PWWP3A: variants seen among roughly 807,000 people sequenced by gnomAD.
PWWP3A encodes PWWP domain containing 3A, DNA repair factor, also known as PWWP domain-containing DNA repair factor 3A.
In PWWP3A, 53 loss-of-function variants were observed where a neutral mutation model predicts 79.0. The observed-to-expected ratio is 0.67, with a 90% CI of 0.54 to 0.84. The LOEUF (loss-of-function observed/expected upper bound fraction) is 0.84. Among genes scored for constraint, PWWP3A ranks in the 40% least tolerant of loss-of-function variants. The pLI is 0.00. For synonymous variants in PWWP3A, 443 were observed against 394.4 expected (o/e 1.12, Z -1.46); for missense variants, 973 against 948.0 (o/e 1.03, Z -0.35).
intron 6 of PWWP3A, among the ~76,000 whole-genome samples, chr19:1,363,817 T>G (rs1435723707): frequency 6.6e-6 from 1 of 152,142 alleles, no homozygotes; most frequent in African/African-American, 2.4e-5. Flanking sequence ...TCTGGTCACG[T>G]TGGTTACTTC....
intron 13 of PWWP3A, 177 bp downstream of exon 13, chr19:1,373,337 G>A (rs2082301605): frequency 4.9e-6 from 3 of 611,812 alleles, no homozygotes; most frequent in Non-Finnish European, 8.7e-6. Context: ...GGTCACTCCT[G>A]CCCCCCAGGA....
At chr19:1,357,831 T>A (rs11554583) in intron 3 of PWWP3A, 15,997 of 153,604 alleles carry the variant, frequency 0.1, 928 homozygotes, top group South Asian at 0.19. Flanking sequence ...GCAAGGAGAC[T>A]GATCCCGCGT....
chr19:1,367,929 C>T (rs1170169014), intron 9 of PWWP3A, among the ~76,000 whole-genome samples: 3 of 152,036 alleles, frequency 2.0e-5, no homozygotes, highest in African/African-American at 7.3e-5. Context: ...GAGTTACTTT[C>T]TTTTGTTTTT....
chr19:1,357,462 C>T (rs1307803252), intron 3 of PWWP3A: 5 of 128,786 alleles, frequency 3.9e-5, no homozygotes, highest in African/African-American at 1.5e-4. Context: ...AGGGATGTTT[C>T]CTTCCCAGAG....
intron 13 of PWWP3A, among the ~76,000 whole-genome samples, chr19:1,375,772 A>G (rs1420523852): frequency 7.3e-6 from 1 of 136,118 alleles, no homozygotes; most frequent in Non-Finnish European, 1.5e-5. Flanking sequence ...TATCATATGT[A>G]TATGTAGACA....
At chr19:1,359,103 A>T in intron 4 of PWWP3A, 1 of 216,288 alleles carries the variant, frequency 4.6e-6, no homozygotes, top group East Asian at 9.5e-5. Context: ...GCCTGAGTCC[A>T]GCCGGGGACT....
chr19:1,364,281 C>G (rs2082082768), intron 6 of PWWP3A: 1 of 672,838 alleles, frequency 1.5e-6, no homozygotes, highest in African/African-American at 1.8e-5. Context: ...TGCAGCACCC[C>G]ACTCAGCTGC....
intron 3 of PWWP3A, chr19:1,357,517 T>G (rs947457073): frequency 6.5e-6 from 1 of 153,128 alleles, no homozygotes; most frequent in African/African-American, 2.4e-5. Context: ...GGCCCATCAA[T>G]TTTGAAATAT....
At chr19:1,361,623 C>T (rs186538328) in intron 5 of PWWP3A, among the ~76,000 whole-genome samples, 8 of 152,324 alleles carry the variant, frequency 5.3e-5, no homozygotes, top group Admixed American at 2.0e-4. Flanking sequence ...AAACTTACCG[C>T]GCAGATATTT....
intron 13 of PWWP3A, among the ~76,000 whole-genome samples, chr19:1,375,823 T>G (rs1394587823): frequency 7.4e-6 from 1 of 134,268 alleles, no homozygotes; most frequent in African/African-American, 2.8e-5. Context: ...TTTTTTTTTT[T>G]GAGACAGAGT....
chr19:1,376,063 C>T (rs1238368245), intron 13 of PWWP3A, among the ~76,000 whole-genome samples: 1 of 150,772 alleles, frequency 6.6e-6, no homozygotes, highest in African/African-American at 2.4e-5. Flanking sequence ...CCCACCTCGG[C>T]CTCCCAAAGT....
At position 1,364,656 on chromosome 19, in the gene PWWP3A, C is replaced by G. The variant is rs527455953; in HGVS notation, c.1284+77C>G. 21 of 1,146,022 alleles carry G rather than the reference C, an allele frequency of 1.8e-5. 1 individual carries two copies. Among genetic ancestry groups the G allele is most frequent in the African/African-American group, 1.4e-4 (9 of 64,118 alleles). 71.0% of individuals were successfully genotyped at this position (1,146,022 alleles called of 1,614,324 possible). A position where few individuals can be genotyped will look rare whatever the true frequency, so the allele number is the denominator to read the frequency against. The stretch of plus-strand genomic sequence containing the variant: ...ATTTTTATTCCATCCATCTTTAGTT[C>G]TTGATAATTTGATCAGGATAAATGT... On this transcript the variant is annotated intron_variant, in intron 7 of 13. Coordinates refer to ENST00000591337, the MANE Select transcript of PWWP3A (RefSeq NM_001369789.1).
chr19:1,373,182 C>G (rs1475850751), intron 13 of PWWP3A, 22 bp downstream of exon 13: 1 of 1,604,520 alleles, frequency 6.2e-7, no homozygotes, highest in Non-Finnish European at 8.5e-7. Context: ...CCGGCGCTAT[C>G]TCCAGCCACT....
intron 7 of PWWP3A, 95 bp from the exon 8 acceptor site, chr19:1,366,210 C>T (rs1010648424): frequency 1.7e-5 from 21 of 1,216,972 alleles, no homozygotes; most frequent in Admixed American, 1.3e-4. Context: ...CTGGGGTCAG[C>T]GCCTGTTAGA....
chr19:1,358,825 G>A (rs899913414), intron 4 of PWWP3A: 2 of 548,352 alleles, frequency 3.6e-6, no homozygotes, highest in African/African-American at 3.8e-5. Context: ...ATTTGCTGTG[G>A]TACTGTCGCT....
In PWWP3A at chr19:1,369,287, A is replaced by G. The variant is rs142288177; in HGVS notation, c.1445A>G (p.Asn482Ser). The G allele has an allele frequency of 1.6e-4, 257 of 1,614,114 alleles. No individual in the cohort carries two copies. The highest frequency in any genetic ancestry group is 4.9e-4 in the African/African-American group (37 of 75,048). Residue 482 changes from asparagine to serine, a missense_variant, in exon 10 of 14, where the codon AAC becomes AGC. Transcript: ENST00000591337. This position sits in a 1 kb window ranked among gnomAD's most constrained non-coding sequence, Gnocchi z 4.0. ...TAGAATCAAGCCAGGGAGGACTTCA[A>G]CCAGGACATCGGCTGGTGTGTCTCC... Reference protein sequence around the residue: ...TLLNQAREDFNQDIGWCVSLI... With the variant: ...TLLNQAREDFSQDIGWCVSLI...
rs1035775473 is a variant in PWWP3A at position 1,376,703 on chromosome 19, C to T, written c.*127C>T. 51 of 741,598 alleles carry T rather than the reference C, an allele frequency of 6.9e-5. 1 individual carries two copies. The highest frequency in any genetic ancestry group is 9.2e-5 in the Non-Finnish European group (41 of 447,094). 45.9% of individuals were successfully genotyped at this position (741,598 alleles called of 1,614,324 possible). ...TTGGACCTGTCTGTGCGTTCTCCTGCGTGGCAGTCCTGATTTCCATGCTTC... is the reference window on the plus strand; with the variant it reads ...TTGGACCTGTCTGTGCGTTCTCCTGTGTGGCAGTCCTGATTTCCATGCTTC... On this transcript the variant is annotated 3_prime_UTR_variant, in exon 14 of 14. Coordinates refer to ENST00000591337, the MANE Select transcript of PWWP3A (RefSeq NM_001369789.1).
At position 1,371,050 on chromosome 19, in the gene PWWP3A, G is replaced by A. The variant is rs1033488210; in HGVS notation, c.1958G>A (p.Arg653Gln). The part of the protein sequence containing the change: ...VLQRTNGDRI[R>Q]FILDVLLPEA... Reference sequence around the variant, plus strand: ...CAGCGCACCAACGGCGACCGGATCCGGTTCATTCTGGACGTGCTTCTGCCC... The same window carrying A: ...CAGCGCACCAACGGCGACCGGATCCAGTTCATTCTGGACGTGCTTCTGCCC... Residue 653 changes from arginine (R) to glutamine (Q), a missense_variant, in exon 12 of 14, where the codon CGG (arginine) becomes CAG (glutamine). Transcript: ENST00000591337. 27 of 1,570,114 alleles carry A rather than the reference G, an allele frequency of 1.7e-5. No homozygotes were observed. The highest frequency in any genetic ancestry group is 4.7e-5 in the South Asian group (4 of 85,496).
chr19:1,372,485 G>A (rs1053060968), intron 12 of PWWP3A: 9 of 152,148 alleles, frequency 5.9e-5, no homozygotes, highest in African/African-American at 2.2e-4. Flanking sequence ...AAGGCCGGGT[G>A]TGGTGGCTCG....
Sources: allele counts gnomAD v4.1 joint callset (sites outside exome capture counted in the v4.1 genomes callset), GRCh38; gene constraint gnomAD v4.1.1; non-coding constraint Gnocchi (gnomAD v3.1); transcripts MANE v1.5; gene names NCBI Gene and HGNC (gene_info 2026-07-23, HGNC 2026-07-21).